The following SNX7 variants were observed in gnomAD, a reference collection of about 807,000 sequenced individuals.
The protein encoded by SNX7 is sorting nexin 7.
A neutral mutation model predicts 48.4 loss-of-function variants in SNX7; 35 were observed. The ratio of observed to expected loss-of-function variants is 0.72; its 90% confidence interval spans 0.55 to 0.96. SNX7 has a LOEUF of 0.96. Among genes scored for constraint, SNX7 ranks in the 40% least tolerant of loss-of-function variants. The pLI is 0.00. For synonymous variants in SNX7, 190 were observed against 190.2 expected (o/e 1.00, Z 0.01); for missense variants, 553 against 548.9 (o/e 1.01, Z -0.07).
chr1:98,752,074 T>C (rs1198559923), intron 8 of SNX7, among the ~76,000 whole-genome samples: 2 of 152,012 alleles, frequency 1.3e-5, no homozygotes, highest in Non-Finnish European at 2.9e-5. Context: ...AAATAACAAA[T>C]AGAAACATGT....
At chr1:98,695,863 C>G in intron 5 of SNX7, 147 bp downstream of exon 5, 1 of 648,488 alleles carries the variant, frequency 1.5e-6, no homozygotes, top group East Asian at 2.7e-5. Flanking sequence ...ATTTCTGATT[C>G]CTAAATGATT....
intron 7 of SNX7, among the ~76,000 whole-genome samples, chr1:98,713,812 A>G (rs907695655): frequency 3.3e-5 from 5 of 152,208 alleles, no homozygotes; most frequent in African/African-American, 1.2e-4. Context: ...ACTACTTTAT[A>G]TGGACACAAT....
intron 8 of SNX7, among the ~76,000 whole-genome samples, chr1:98,749,667 T>G (rs1654487798): frequency 6.6e-6 from 1 of 152,116 alleles, no homozygotes; most frequent in African/African-American, 2.4e-5. Context: ...ATTTCAGAAT[T>G]TGAAAATATG....
chr1:98,667,006 T>C (rs1183729387), intron 1 of SNX7, among the ~76,000 whole-genome samples: 1 of 152,212 alleles, frequency 6.6e-6, no homozygotes, highest in African/African-American at 2.4e-5. Context: ...CCAGCATTCA[T>C]GTGCCCTCAG....
intron 8 of SNX7, among the ~76,000 whole-genome samples, chr1:98,745,793 A>G (rs554884740): frequency 3.3e-5 from 5 of 152,204 alleles, no homozygotes; most frequent in Admixed American, 1.3e-4. Flanking sequence ...CATCATTGCT[A>G]CTTTTCTGTG....
In SNX7 at chr1:98,691,135, C is replaced by T. The variant is rs1651097107; in HGVS notation, c.424C>T (p.Leu142Phe). ...AGTTAGGAGACGATATCAAGATTTC[C>T]TTTGGTTGAAGGGAAAACTGGAAGA... ...FEVRRRYQDF[L>F]WLKGKLEEAH... Residue 142 changes from leucine (L) to phenylalanine (F), a missense_variant, in exon 3 of 9, where the codon CTT (leucine) becomes TTT (phenylalanine). By Grantham distance (22) the Leu-to-Phe change is conservative (BLOSUM62 0). Coordinates refer to ENST00000306121, the MANE Select transcript of SNX7 (RefSeq NM_015976.5). 6.2e-7 allele frequency: 1 copy of T among 1,609,470 alleles called. No individual in the cohort carries two copies.
chr1:98,725,490 A>C (rs1027632078), intron 7 of SNX7, among the ~76,000 whole-genome samples: 1 of 152,190 alleles, frequency 6.6e-6, no homozygotes, highest in South Asian at 2.1e-4. Flanking sequence ...CTTGGCATGA[A>C]GTAAGTGCTG....
At chr1:98,713,094 GA>G (rs56653679) in intron 7 of SNX7, among the ~76,000 whole-genome samples, 70 of 129,838 alleles carry the variant, frequency 5.4e-4, no homozygotes, top group East Asian at 2.3e-3. Context: ...TCTGTCTCAG[GA>G]AAAAAAAAAA....
chr1:98,757,840 T>C (rs1464977960), intron 8 of SNX7, among the ~76,000 whole-genome samples: 1 of 152,084 alleles, frequency 6.6e-6, no homozygotes, highest in Non-Finnish European at 1.5e-5. Context: ...ATCACTACAC[T>C]ATACTTCCTC....
chr1:98,696,498 G>GA (rs1019869689), intron 5 of SNX7, among the ~76,000 whole-genome samples: 3 of 151,296 alleles, frequency 2.0e-5, no homozygotes, highest in African/African-American at 4.9e-5. Flanking sequence ...TTCAGTGATT[G>GA]AAAAAAAACC....
chr1:98,750,920 G>A (rs904443330), intron 8 of SNX7, among the ~76,000 whole-genome samples: 15 of 152,064 alleles, frequency 9.9e-5, no homozygotes, highest in African/African-American at 3.6e-4. Context: ...GCAGAGCGAG[G>A]CATATTTATA....
At chr1:98,691,442 T>A in intron 3 of SNX7, 93 bp from the exon 4 acceptor site, 1 of 1,055,626 alleles carries the variant, frequency 9.5e-7, no homozygotes, top group Non-Finnish European at 1.3e-6. Context: ...TGATCAGATG[T>A]TCAACTAGTC....
At chr1:98,715,298 T>C (rs1040229240) in intron 7 of SNX7, among the ~76,000 whole-genome samples, 1 of 152,182 alleles carries the variant, frequency 6.6e-6, no homozygotes, top group African/African-American at 2.4e-5. Context: ...AGATTTATAT[T>C]ATCAGTCTTT....
chr1:98,745,006 T>A (rs1027208507), intron 8 of SNX7, among the ~76,000 whole-genome samples: 11 of 152,062 alleles, frequency 7.2e-5, no homozygotes, highest in African/African-American at 2.7e-4. Context: ...TGGAACAATG[T>A]TTCCAAAGTA....
At chr1:98,709,397 C>G (rs575933423) in intron 7 of SNX7, among the ~76,000 whole-genome samples, 1 of 152,124 alleles carries the variant, frequency 6.6e-6, no homozygotes, top group Non-Finnish European at 1.5e-5. Flanking sequence ...CCTACCTGGT[C>G]GCTCTAGGCA....
At chr1:98,734,966 C>G (rs1291287797) in intron 7 of SNX7, among the ~76,000 whole-genome samples, 1 of 152,098 alleles carries the variant, frequency 6.6e-6, no homozygotes, top group Non-Finnish European at 1.5e-5. Context: ...CTAGCCCAGT[C>G]TTTTCCATGC....
chr1:98,712,629 TA>T (rs1417918262), intron 7 of SNX7, among the ~76,000 whole-genome samples: 1 of 152,098 alleles, frequency 6.6e-6, no homozygotes, highest in African/African-American at 2.4e-5. Flanking sequence ...AGATTTAGAG[TA>T]ATTCTTTAGG....
intron 7 of SNX7, among the ~76,000 whole-genome samples, chr1:98,734,347 A>C (rs1446288892): frequency 6.6e-6 from 1 of 152,018 alleles, no homozygotes; most frequent in African/African-American, 2.4e-5. Context: ...ATTATCCTTG[A>C]GATAACAGCT....
chr1:98,742,451 A>G (rs919808200), intron 8 of SNX7, among the ~76,000 whole-genome samples: 2 of 152,046 alleles, frequency 1.3e-5, no homozygotes, highest in Non-Finnish European at 2.9e-5. Context: ...CCAAGTTTCT[A>G]CTAATGTTAA....
Sources: gnomAD v4.1 joint callset for allele counts (sites outside exome capture counted in the v4.1 genomes callset) on GRCh38, gnomAD v4.1.1 for gene constraint, MANE v1.5 for transcripts, NCBI Gene and HGNC (gene_info 2026-07-23, HGNC 2026-07-21) for gene names.